The following TENM1 variants were observed in gnomAD, a reference collection of about 807,000 sequenced individuals.
TENM1 encodes teneurin-1.
Under a neutral mutation model 174.8 loss-of-function variants are expected in TENM1, and 35 were observed. The ratio of observed to expected loss-of-function variants is 0.20; its 90% CI spans 0.15 to 0.27. The LOEUF (loss-of-function observed/expected upper bound fraction) is 0.27, where lower values mean the gene tolerates loss of function less well. Ranked by LOEUF, TENM1 falls within the 10% of genes least tolerant of loss-of-function variation. The probability of loss-of-function intolerance (pLI) is 1.00; values close to 1 mark genes in which losing one functional copy is unlikely to be tolerated. For synonymous variants in TENM1, 781 were observed against 798.7 expected (o/e 0.98, Z 0.37); for missense variants, 1,633 against 2,130.1 (o/e 0.77, Z 4.59).
chrX:124,863,737 C>A (rs1290148816), intron 3 of TENM1, among the ~76,000 whole-genome samples: 2 of 112,387 alleles, frequency 1.8e-5, no homozygotes, highest in Admixed American at 1.9e-4. Context: ...AATTGTAGAG[C>A]CCCCAGGCCT....
chrX:124,906,782 A>G (rs139059248), intron 1 of TENM1, among the ~76,000 whole-genome samples: 15 of 112,080 alleles, frequency 1.3e-4, no homozygotes, highest in African/African-American at 3.9e-4. Flanking sequence ...ACAAATATCA[A>G]GATAATTATG....
intron 3 of TENM1, among the ~76,000 whole-genome samples, chrX:124,814,685 G>C: frequency 9.0e-6 from 1 of 111,260 alleles, no homozygotes; most frequent in East Asian, 2.8e-4. Context: ...AGTTCCATTA[G>C]TCTCCCTGTT....
At chrX:124,403,141 A>T (rs1461408148) in intron 27 of TENM1, among the ~76,000 whole-genome samples, 2 of 109,244 alleles carry the variant, frequency 1.8e-5, no homozygotes. Context: ...TAGCTTTATA[A>T]AAAAAAAACC....
intron 3 of TENM1, among the ~76,000 whole-genome samples, chrX:124,755,990 T>A: frequency 1.0e-5 from 1 of 100,302 alleles, no homozygotes; most frequent in Admixed American, 1.0e-4. Context: ...TCTCGAGGAG[T>A]ATCTTTGTGC....
intron 3 of TENM1, among the ~76,000 whole-genome samples, chrX:124,751,118 T>G (rs1255407799): frequency 1.8e-5 from 2 of 111,813 alleles, no homozygotes; most frequent in African/African-American, 6.5e-5. Context: ...GGCTGCTTGA[T>G]GGGCTTGCTT....
At chrX:124,719,638 G>C (rs1015278881) in intron 4 of TENM1, among the ~76,000 whole-genome samples, 7 of 111,073 alleles carry the variant, frequency 6.3e-5, no homozygotes, top group African/African-American at 2.3e-4. Flanking sequence ...CTAGTTCCCT[G>C]CTGTGTGGAT....
At chrX:124,819,750 T>C (rs2055993308) in intron 3 of TENM1, among the ~76,000 whole-genome samples, 1 of 111,021 alleles carries the variant, frequency 9.0e-6, no homozygotes, top group Non-Finnish European at 1.9e-5. Flanking sequence ...ATCTGAATGA[T>C]ACTGGGCTAT....
the TENM1 span, among the ~76,000 whole-genome samples, chrX:125,142,942 G>A: frequency 9.0e-6 from 1 of 111,724 alleles, no homozygotes; most frequent in Non-Finnish European, 1.9e-5. Context: ...ACTTGACATG[G>A]TGTACCAAGA....
the TENM1 span, among the ~76,000 whole-genome samples, chrX:125,098,218 A>C: frequency 9.0e-6 from 1 of 111,538 alleles, no homozygotes; most frequent in Non-Finnish European, 1.9e-5. Flanking sequence ...GAGCTGAGAT[A>C]GTGCTACTGC....
chrX:124,882,258 G>A (rs1407134051), intron 3 of TENM1, among the ~76,000 whole-genome samples: 2 of 112,055 alleles, frequency 1.8e-5, no homozygotes, highest in East Asian at 5.6e-4. Flanking sequence ...TTGTTGAGTC[G>A]TGTTTTGTGT....
chrX:124,401,549 T>C (rs1388018179), intron 27 of TENM1, among the ~76,000 whole-genome samples: 1 of 112,262 alleles, frequency 8.9e-6, no homozygotes, highest in African/African-American at 3.2e-5. Flanking sequence ...CTTTGGATGC[T>C]TACAAATGGG....
At chrX:125,013,802 G>T in the TENM1 span, among the ~76,000 whole-genome samples, 1 of 111,919 alleles carries the variant, frequency 8.9e-6, no homozygotes. Flanking sequence ...GCAGGCAACA[G>T]CCTAACCAGA....
chrX:124,565,607 A>G, intron 11 of TENM1, 47 bp from the exon 15 acceptor site: 1 of 925,321 alleles, frequency 1.1e-6, no homozygotes, highest in Non-Finnish European at 1.4e-6. Flanking sequence ...TGTTAAAACC[A>G]GCATCCATTC....
the TENM1 span, among the ~76,000 whole-genome samples, chrX:125,167,095 A>G: frequency 8.9e-6 from 1 of 111,970 alleles, no homozygotes; most frequent in East Asian, 2.8e-4. Flanking sequence ...GGATGAACTA[A>G]AAAGTCCCAA....
intron 1 of TENM1, among the ~76,000 whole-genome samples, chrX:124,905,642 G>A (rs1401537007): frequency 8.9e-6 from 1 of 111,861 alleles, no homozygotes; most frequent in Non-Finnish European, 1.9e-5. Context: ...CAAGGAGGGG[G>A]ATCACAGGTA....
At chrX:124,758,160 AAAAACAAAAC>A (rs774498913) in intron 3 of TENM1, among the ~76,000 whole-genome samples, 5 of 112,292 alleles carry the variant, frequency 4.5e-5, no homozygotes, top group Non-Finnish European at 7.5e-5. Context: ...CAATAGCAGA[AAAAACAAAAC>A]AAAACAAAAC....
chrX:125,099,676 G>A, the TENM1 span, among the ~76,000 whole-genome samples: 2 of 110,627 alleles, frequency 1.8e-5, no homozygotes, highest in Admixed American at 9.7e-5. Flanking sequence ...AGAAAGCAGA[G>A]GTGACAATAA....
intron 25 of TENM1, among the ~76,000 whole-genome samples, chrX:124,406,898 C>G (rs1297329460): frequency 9.0e-6 from 1 of 111,191 alleles, no homozygotes; most frequent in East Asian, 2.8e-4. Context: ...CAAAAGGGCC[C>G]TCAAAGGCTG....
intron 25 of TENM1, among the ~76,000 whole-genome samples, chrX:124,417,552 C>T (rs913533223): frequency 9.9e-5 from 11 of 111,127 alleles, no homozygotes; most frequent in African/African-American, 3.6e-4. Flanking sequence ...CATGGTCAGT[C>T]TTCAGATCTC....
Sources: allele counts gnomAD v4.1 joint callset (sites outside exome capture counted in the v4.1 genomes callset), GRCh38; gene constraint gnomAD v4.1.1; transcripts MANE v1.5; gene names NCBI Gene and HGNC (gene_info 2026-07-23, HGNC 2026-07-21).